ECE1: variants seen among roughly 807,000 people sequenced by gnomAD.
ECE1 encodes endothelin-converting enzyme 1.
ECE1 carries 35 observed loss-of-function variants against 98.6 expected under a neutral mutation model. The observed-to-expected ratio is 0.35, with a 90% CI of 0.27 to 0.47. The LOEUF (loss-of-function observed/expected upper bound fraction) is 0.47, where lower values mean the gene tolerates loss of function less well. Among genes scored for constraint, ECE1 ranks in the 20% least tolerant of loss-of-function variants. The pLI, the probability that ECE1 is intolerant of heterozygous loss-of-function variation, is 1.00. For synonymous variants in ECE1, 394 were observed against 407.1 expected, an observed-to-expected ratio of 0.97 and a Z score of 0.39; for missense variants, 814 against 1,025.3, an observed-to-expected ratio of 0.79 and a Z score of 2.81.
intron 1 of ECE1, among the ~76,000 whole-genome samples, chr1:21,333,447 C>T (rs1001642320): frequency 2.6e-5 from 4 of 152,282 alleles, no homozygotes; most frequent in Admixed American, 6.5e-5. Context: ...GGCCCATTCT[C>T]ATCTTCCCTC....
In ECE1 at chr1:21,319,360, ATAATC is replaced by A. The variant is rs1441306308; in HGVS notation, c.3+26011_3+26015del. ...ACTCCGTCTCAAAATAATAATAATC[ATAATC>A]ATAATCATAATCATAATCATAAAGT... is the stretch of plus-strand genomic sequence containing the variant. On this transcript the variant is annotated intron_variant, in intron 1 of 18. Coordinates refer to the ECE1 transcript ENST00000415912. This position sits in a 1 kb window ranked among gnomAD's most constrained non-coding sequence, Gnocchi z 4.4. 4.3e-5 allele frequency among the ~76,000 whole-genome samples: 6 copies of A among 139,862 alleles called. No individual in the cohort carries two copies. Among genetic ancestry groups the A allele is most frequent in the South Asian group, 2.5e-4 (1 of 4,080 alleles). 91.8% of individuals were successfully genotyped at this position (139,862 alleles called of 152,430 possible).
chr1:21,287,245 G>T (rs1040627890), intron 2 of ECE1, among the ~76,000 whole-genome samples: 3 of 152,224 alleles, frequency 2.0e-5, no homozygotes, highest in Non-Finnish European at 4.4e-5. Flanking sequence ...GAGAGCACAG[G>T]CTGGATGTGG....
intron 9 of ECE1, among the ~76,000 whole-genome samples, chr1:21,246,939 C>T (rs1301425788): frequency 6.6e-6 from 1 of 152,240 alleles, no homozygotes; most frequent in Non-Finnish European, 1.5e-5. Context: ...CAATTACGGG[C>T]GTTCATGCCC....
intron 1 of ECE1, among the ~76,000 whole-genome samples, chr1:21,328,129 G>T (rs1558435211): frequency 6.6e-6 from 1 of 152,164 alleles, no homozygotes; most frequent in South Asian, 2.1e-4. Context: ...CTCACCCCAG[G>T]ACCTTTGCAC....
At chr1:21,344,868 C>T (rs1178819880) in intron 1 of ECE1, 1 of 152,902 alleles carries the variant, frequency 6.5e-6, no homozygotes, top group Non-Finnish European at 1.5e-5. Flanking sequence ...CCCAGAGGGC[C>T]GCAACCTAGC....
Position 21,331,381 on chromosome 1 carries a change from C to T in ECE1, c.3+13995G>A, listed in dbSNP as rs919436927. On this transcript the variant is annotated intron_variant, in intron 1 of 18. Transcript: ENST00000415912. Reference sequence around the variant, plus strand: ...ATCATGCCACTGCACTCCAGACTGGCGACAGAGTGAGACTCTGTCTCAAAA... The same window carrying T: ...ATCATGCCACTGCACTCCAGACTGGTGACAGAGTGAGACTCTGTCTCAAAA... 1.1e-4 allele frequency among the ~76,000 whole-genome samples: 17 copies of T among 151,848 alleles called. No homozygotes were observed. In the South Asian group the frequency reaches 1.5e-3, roughly 13 times the overall value.
chr1:21,313,905 TA>T (rs1312299922), intron 1 of ECE1, among the ~76,000 whole-genome samples: 4 of 151,948 alleles, frequency 2.6e-5, no homozygotes. Context: ...GGAGAACGGG[TA>T]CGAGCAGCTG....
In ECE1 at chr1:21,247,482, CGCACCGG is replaced by C. The variant is rs2098205464; in HGVS notation, c.1021-126_1021-120del. On this transcript the variant is annotated intron_variant, in intron 8 of 18. Transcript: ENST00000374893. ...GCTTGGGCTTGGCGCCATCTGACAGCGCACCGGGCAGAGAGTCAAGCGGAGCCTGGCG... is the reference window on the plus strand; with the variant it reads ...GCTTGGGCTTGGCGCCATCTGACAGCGCAGAGAGTCAAGCGGAGCCTGGCG... 2.1e-6 allele frequency: 3 copies of C among 1,454,226 alleles called. No individual in the cohort carries two copies. The Admixed American group carries it at 5.3e-5, about 26-fold the overall frequency. The allele number at this position is 1,454,226 out of a possible 1,614,324, so 90.1% of individuals were successfully genotyped here. A position where few individuals can be genotyped will look rare whatever the true frequency, so the allele number is the denominator to read the frequency against.
At chr1:21,262,307 G>A (rs948049076) in intron 4 of ECE1, among the ~76,000 whole-genome samples, 1 of 152,194 alleles carries the variant, frequency 6.6e-6, no homozygotes, top group African/African-American at 2.4e-5. Flanking sequence ...CAGGCACCAC[G>A]GCAGCTCTGA....
chr1:21,239,785 CTT>C (rs200501459), intron 10 of ECE1, among the ~76,000 whole-genome samples: 10 of 142,674 alleles, frequency 7.0e-5, no homozygotes, highest in Admixed American at 1.4e-4. Flanking sequence ...TTTTTTCTTT[CTT>C]TTTTTTTTTT....
rs559908887 is a variant in ECE1 at position 21,227,876 on chromosome 1, C to T, written c.1781+55G>A. 291 of 1,433,260 alleles carry T rather than the reference C, an allele frequency of 2.0e-4. 2 individuals are homozygous for T. In the South Asian group the frequency reaches 3.1e-3, roughly 15 times the overall value. 88.8% of individuals were successfully genotyped at this position (1,433,260 alleles called of 1,614,324 possible). A position where few individuals can be genotyped will look rare whatever the true frequency, so the allele number is the denominator to read the frequency against. On this transcript the variant is annotated intron_variant, in intron 15 of 18. Transcript: ENST00000374893. ...TGAGACTGGCTTAGGTCGTATGGGC[C>T]CCAGGGCTGGGCTGGGGGAAAAGAA... is the stretch of plus-strand genomic sequence containing the variant.
chr1:21,232,648 TC>T (rs2098183247), intron 14 of ECE1, among the ~76,000 whole-genome samples: 1 of 151,140 alleles, frequency 6.6e-6, no homozygotes, highest in Non-Finnish European at 1.5e-5. Context: ...TTCTAGGTTA[TC>T]CTGATTTAAG....
intron 11 of ECE1, among the ~76,000 whole-genome samples, chr1:21,237,092 T>C (rs1306858543): frequency 6.6e-6 from 1 of 152,122 alleles, no homozygotes; most frequent in East Asian, 1.9e-4. Flanking sequence ...TTCGGGAAAG[T>C]TGGAAAAGTC....
At chr1:21,304,626 A>G (rs1016356103) in intron 1 of ECE1, among the ~76,000 whole-genome samples, 1 of 152,212 alleles carries the variant, frequency 6.6e-6, no homozygotes, top group Admixed American at 6.5e-5. Flanking sequence ...GGCGACAGAC[A>G]TCAGAACAGC....
At chr1:21,293,401 T>C (rs1638257894), upstream of ECE1, 1 of 152,010 alleles carries the variant, frequency 6.6e-6, no homozygotes, top group African/African-American at 2.4e-5. Flanking sequence ...AGAACCCTGA[T>C]GGCAGAGGCT....
At chr1:21,279,456 G>A (rs2103338947) in intron 2 of ECE1, 124 bp from the exon 3 acceptor site, 1 of 1,554,740 alleles carries the variant, frequency 6.4e-7, no homozygotes, top group Non-Finnish European at 8.7e-7. Context: ...CCTGTCTCAG[G>A]GGTGGTCTGG....
chr1:21,247,054 C>T (rs930777818), intron 9 of ECE1, among the ~76,000 whole-genome samples, 167 bp downstream of exon 9: 2 of 152,222 alleles, frequency 1.3e-5, no homozygotes, highest in African/African-American at 4.8e-5. Context: ...TTGAAAGAGG[C>T]TGGGATTTAA....
At chr1:21,290,974 C>T (rs2098266131), upstream of ECE1, among the ~76,000 whole-genome samples, 1 of 152,106 alleles carries the variant, frequency 6.6e-6, no homozygotes, top group Non-Finnish European at 1.5e-5. This position sits in a 1 kb window ranked among gnomAD's most constrained non-coding sequence, Gnocchi z 7.3. Flanking sequence ...TGTGTGTGTG[C>T]ATTTGGATGG....
intron 8 of ECE1, among the ~76,000 whole-genome samples, chr1:21,250,326 G>A (rs796487579): frequency 4.6e-5 from 7 of 152,188 alleles, no homozygotes; most frequent in African/African-American, 1.4e-4. Context: ...TTCCCCACAC[G>A]TACTGCTATT....
Sources: gnomAD v4.1 joint callset for allele counts (sites outside exome capture counted in the v4.1 genomes callset) on GRCh38, gnomAD v4.1.1 for gene constraint, Gnocchi (gnomAD v3.1) non-coding constraint, MANE v1.5 for transcripts, NCBI Gene and HGNC (gene_info 2026-07-23, HGNC 2026-07-21) for gene names.